Variants in UTRN observed in about 807,000 individuals in gnomAD.
The protein encoded by UTRN is dystrophin-related protein 1.
A neutral mutation model predicts 463.9 loss-of-function variants in UTRN; 283 were observed. The observed-to-expected ratio is 0.61, with a 90% CI of 0.55 to 0.67. UTRN has a LOEUF of 0.67. Among genes scored for constraint, UTRN ranks in the 30% least tolerant of loss-of-function variants. The pLI is 0.00. For synonymous variants in UTRN, 1,442 were observed against 1,431.5 expected (o/e 1.01, Z -0.17); for missense variants, 3,922 against 4,084.3 (o/e 0.96, Z 1.08).
chr6:144,833,929 C>T (rs1780886142), intron 69 of UTRN, among the ~76,000 whole-genome samples: 1 of 152,176 alleles, frequency 6.6e-6, no homozygotes, highest in African/African-American at 2.4e-5. Flanking sequence ...ACATGGGAAA[C>T]TGAGGAGCTT....
chr6:144,488,628 A>G (rs774078148), intron 29 of UTRN, 45 bp from the exon 30 acceptor site: 6 of 1,592,246 alleles, frequency 3.8e-6, no homozygotes, highest in South Asian at 2.3e-5. Flanking sequence ...TCTGCTATTT[A>G]TATTTGTGTT....
intron 23 of UTRN, among the ~76,000 whole-genome samples, chr6:144,469,452 G>A (rs1790284050): frequency 6.6e-6 from 1 of 152,192 alleles, no homozygotes; most frequent in South Asian, 2.1e-4. Context: ...TTCACAATGA[G>A]TTATTAAGGC....
At chr6:144,588,584 G>A (rs1802699963) in intron 51 of UTRN, among the ~76,000 whole-genome samples, 3 of 152,088 alleles carry the variant, frequency 2.0e-5, no homozygotes, top group South Asian at 2.1e-4. Context: ...TTAAGGATAC[G>A]GATAAAAGGT....
intron 33 of UTRN, among the ~76,000 whole-genome samples, chr6:144,494,838 A>G (rs1016020025): frequency 8.6e-5 from 13 of 152,008 alleles, no homozygotes; most frequent in African/African-American, 2.2e-4. Context: ...AGCTAGATAC[A>G]GAGTGCCAAT....
At position 144,462,826 on chromosome 6, in the gene UTRN, A is replaced by G. The variant is rs766506915; in HGVS notation, c.3026A>G (p.His1009Arg). 1.0e-5 allele frequency: 16 copies of G among 1,607,706 alleles called. No homozygotes were observed. Among genetic ancestry groups the G allele is most frequent in the Admixed American group, 5.1e-5 (3 of 58,358 alleles). ...AAGGTCTTGGTTTCCAAAGATCTAC[A>G]TTTGCTTGAGGAAATTGCTCTCACA... is the stretch of plus-strand genomic sequence containing the variant. ...KLKVLVSKDLHLLEEIALTLR... is the reference protein window; with the variant it reads ...KLKVLVSKDLRLLEEIALTLR... The change falls in exon 23 of 75, where the codon CAT (histidine) becomes CGT (arginine). Residue 1009 changes from histidine to arginine, a missense_variant. Around this residue, in one of 3 missense-constraint regions of UTRN, gnomAD observed 2,349 missense variants for 2,303.8 expected, o/e 1.02. Transcript: ENST00000367545.
At chr6:144,461,959 GC>G (rs1789461655) in intron 22 of UTRN, among the ~76,000 whole-genome samples, 1 of 152,004 alleles carries the variant, frequency 6.6e-6, no homozygotes, top group Admixed American at 6.6e-5. Flanking sequence ...TGCAGGATGT[GC>G]AGGTTTGTTA....
chr6:144,455,546 A>C (rs1393846250), intron 19 of UTRN, among the ~76,000 whole-genome samples: 1 of 152,154 alleles, frequency 6.6e-6, no homozygotes, highest in Non-Finnish European at 1.5e-5. Flanking sequence ...CTGTGTACTG[A>C]ATTTACTCCC....
intron 1 of UTRN, among the ~76,000 whole-genome samples, chr6:144,288,138 T>A (rs1208241160): frequency 6.6e-6 from 1 of 152,244 alleles, no homozygotes; most frequent in Non-Finnish European, 1.5e-5. Flanking sequence ...GCTATCACTA[T>A]TTAAATAGCC....
intron 2 of UTRN, among the ~76,000 whole-genome samples, chr6:144,371,564 A>G (rs537836430): frequency 2.1e-4 from 32 of 152,074 alleles, no homozygotes; most frequent in Non-Finnish European, 3.8e-4. Context: ...GGCACGCACC[A>G]CCACACCTGG....
chr6:144,449,700 A>G (rs1036068457), intron 17 of UTRN, among the ~76,000 whole-genome samples: 3 of 152,218 alleles, frequency 2.0e-5, no homozygotes, highest in East Asian at 3.8e-4. Flanking sequence ...TAAAATATTC[A>G]TAGTTCACCA....
intron 2 of UTRN, among the ~76,000 whole-genome samples, chr6:144,387,352 A>G (rs978553643): frequency 2.6e-5 from 4 of 151,890 alleles, no homozygotes; most frequent in African/African-American, 9.7e-5. Context: ...CATATTGTCC[A>G]CTTCTTGAAC....
At chr6:144,447,544 G>C (rs1787819535) in intron 15 of UTRN, 58 bp from the exon 16 acceptor site, 1 of 1,583,474 alleles carries the variant, frequency 6.3e-7, no homozygotes, top group African/African-American at 1.4e-5. Context: ...TTTGGCTGGG[G>C]AACAGAAAGA....
intron 2 of UTRN, 77 bp from the exon 3 acceptor site, chr6:144,403,046 A>T: frequency 1.5e-6 from 2 of 1,317,570 alleles, no homozygotes; most frequent in South Asian, 1.2e-5. Context: ...TCCAGGATAG[A>T]GATAACCTTA....
intron 51 of UTRN, among the ~76,000 whole-genome samples, chr6:144,668,454 A>C (rs1217414783): frequency 1.3e-5 from 2 of 152,230 alleles, no homozygotes; most frequent in Non-Finnish European, 2.9e-5. Context: ...TAACAAGAGA[A>C]ACTTACAATG....
chr6:144,368,462 T>C (rs993544188), intron 2 of UTRN, among the ~76,000 whole-genome samples: 3 of 152,156 alleles, frequency 2.0e-5, no homozygotes, highest in Admixed American at 1.3e-4. Flanking sequence ...GAGAAACATA[T>C]CTTTACCATT....
At chr6:144,840,442 C>G (rs1034359497) in intron 72 of UTRN, among the ~76,000 whole-genome samples, 2 of 152,084 alleles carry the variant, frequency 1.3e-5, no homozygotes, top group African/African-American at 4.8e-5. Context: ...CATTCAAACA[C>G]TGAAATAATA....
chr6:144,696,538 A>T (rs1327605139), intron 52 of UTRN, among the ~76,000 whole-genome samples: 1 of 152,076 alleles, frequency 6.6e-6, no homozygotes, highest in East Asian at 1.9e-4. Context: ...CTTTTCTCCT[A>T]ATATGTCTTA....
intron 43 of UTRN, among the ~76,000 whole-genome samples, chr6:144,535,942 G>T (rs1797490274): frequency 6.6e-6 from 1 of 152,090 alleles, no homozygotes; most frequent in Admixed American, 6.6e-5. Context: ...ACCACACCCA[G>T]CTGATTTTTA....
rs1309433395 is a variant in UTRN, at chr6:144,531,098, C to T, written c.5953C>T (p.Leu1985Phe). 1.5e-5 allele frequency: 25 copies of T among 1,613,826 alleles called. No homozygotes were observed. The highest frequency in any genetic ancestry group is 1.9e-5 in the Non-Finnish European group (23 of 1,179,940). The change falls in exon 42 of 75, where the codon CTT (leucine) becomes TTT (phenylalanine). Residue 1985 changes from leucine (L) to phenylalanine (F), a missense_variant. Leu to Phe is a conservative substitution (Grantham distance 22). Coordinates refer to ENST00000367545, the MANE Select transcript of UTRN (RefSeq NM_007124.3). ...MEEWRQFHCD[L>F]NDLTQWITEA... The stretch of plus-strand genomic sequence containing the variant: ...AGAATGGAGACAGTTCCATTGTGAC[C>T]TTAATGACCTCACACAGTGGATAAC...
Sources: allele counts gnomAD v4.1 joint callset (sites outside exome capture counted in the v4.1 genomes callset), GRCh38; gene constraint gnomAD v4.1.1; regional missense constraint gnomAD v4.1.1; transcripts MANE v1.5; gene names NCBI Gene and HGNC (gene_info 2026-07-23, HGNC 2026-07-21).